Variants in SDCCAG8 observed in about 807,000 individuals in gnomAD.
SDCCAG8 encodes serologically defined colon cancer antigen 8.
Under a neutral mutation model 101.8 loss-of-function variants are expected in SDCCAG8, and 74 were observed. The observed-to-expected ratio is 0.73, with a 90% CI of 0.60 to 0.88. The LOEUF (loss-of-function observed/expected upper bound fraction) is 0.88, where lower values mean the gene tolerates loss of function less well. SDCCAG8 is among the 40% of genes least tolerant of loss of function. The pLI, the probability that SDCCAG8 is intolerant of heterozygous loss-of-function variation, is 0.00. For synonymous variants in SDCCAG8, 281 were observed against 292.9 expected, an observed-to-expected ratio of 0.96 and a Z score of 0.41; for missense variants, 787 against 822.6, an observed-to-expected ratio of 0.96 and a Z score of 0.53.
chr1:243,382,881 G>T (rs778401708), intron 13 of SDCCAG8, among the ~76,000 whole-genome samples: 2 of 152,206 alleles, frequency 1.3e-5, no homozygotes, highest in Non-Finnish European at 2.9e-5. Context: ...AAAGGTGACT[G>T]TAAGTTTTCT....
chr1:243,402,406 TAAA>T (rs201645972), intron 13 of SDCCAG8, among the ~76,000 whole-genome samples: 19 of 123,266 alleles, frequency 1.5e-4, no homozygotes, highest in Non-Finnish European at 1.7e-4. Context: ...CTGTCTCAAT[TAAA>T]AAAAAAAAAA....
chr1:243,375,790 A>G (rs2147896319), intron 12 of SDCCAG8, among the ~76,000 whole-genome samples: 1 of 152,240 alleles, frequency 6.6e-6, no homozygotes, highest in Middle Eastern at 3.4e-3. Flanking sequence ...GGGTGAGGCA[A>G]AGGGTTATCC....
intron 16 of SDCCAG8, among the ~76,000 whole-genome samples, chr1:243,484,115 G>C (rs1369275966): frequency 6.6e-6 from 1 of 152,214 alleles, no homozygotes; most frequent in Non-Finnish European, 1.5e-5. Context: ...ACCCCAGAAC[G>C]TCTCTTCTAC....
Position 243,471,801 on chromosome 1 carries a change from T to G in SDCCAG8, c.1986-17213T>G, listed in dbSNP as rs113343326. Among the ~76,000 whole-genome samples, 1,070 of 152,320 alleles carry G rather than the reference T, an allele frequency of 7.0e-3. 16 individuals are homozygous for G. Among genetic ancestry groups the G allele is most frequent in the African/African-American group, 0.025 (1,036 of 41,560 alleles). ...GGCATTAAAAAAAATTATTCTAATTTCATACTAGTGAAAGCATTGGACTAT... is the reference window on the plus strand; with the variant it reads ...GGCATTAAAAAAAATTATTCTAATTGCATACTAGTGAAAGCATTGGACTAT... On this transcript the variant is annotated intron_variant, in intron 16 of 17. Transcript: ENST00000366541.
chr1:243,357,657 C>T (rs1000556201), intron 12 of SDCCAG8, among the ~76,000 whole-genome samples: 9 of 152,138 alleles, frequency 5.9e-5, no homozygotes, highest in Non-Finnish European at 1.3e-4. Context: ...CAAATACGCA[C>T]AGGGGTGCAA....
At position 243,286,367 on chromosome 1, in the gene SDCCAG8, ACTGAGGGAACAAACACTT is replaced by A; in HGVS notation, c.520_537del (p.Arg174_Leu179del). ...TAAAATCTCAAAGACAAGAGGAGAC[ACTGAGGGAACAAACACTT>A]CTGGATGCATCCGTGAGCATTATTT... On this transcript the variant is annotated inframe_deletion, in exon 5 of 18. Coordinates refer to ENST00000366541, the MANE Select transcript of SDCCAG8 (RefSeq NM_006642.5). 6.2e-7 allele frequency: 1 copy of A among 1,614,078 alleles called. No individual in the cohort carries two copies. The highest frequency in any genetic ancestry group is 8.5e-7 in the Non-Finnish European group (1 of 1,179,902).
rs530216453 is a variant in SDCCAG8 at position 243,451,166 on chromosome 1, A to G, written c.1985+24608A>G. On this transcript the variant is annotated intron_variant, in intron 16 of 17. Transcript: ENST00000366541. ...ATCTTCTTCATACTCTAGCTTGTGT[A>G]TCTCACACATGTAGACTCAAATTTT... Among the ~76,000 whole-genome samples, 4 of 152,332 alleles carry G rather than the reference A, an allele frequency of 2.6e-5. No homozygotes were observed. The South Asian group carries it at 6.2e-4, about 24-fold the overall frequency.
rs774257632 is a variant in SDCCAG8, at chr1:243,418,031, G to C, written c.1808G>C (p.Cys603Ser). The part of the protein sequence containing the change: ...NTFLTKLKEE[C>S]CTLAKKLEQI... ...TTTTTGACAAAGTTAAAGGAAGAAT[G>C]CTGTACATTAGCCAAGAAACTGGAA... The change falls in exon 15 of 18, where the codon TGC becomes TCC. Residue 603 changes from cysteine (C) to serine (S), a missense_variant. Coordinates refer to ENST00000366541, the MANE Select transcript of SDCCAG8 (RefSeq NM_006642.5). 1 of 1,613,002 alleles carries C rather than the reference G, an allele frequency of 6.2e-7. No individual in the cohort carries two copies. The highest frequency in any genetic ancestry group is 8.5e-7 in the Non-Finnish European group (1 of 1,179,388).
intron 13 of SDCCAG8, among the ~76,000 whole-genome samples, chr1:243,396,676 T>C (rs2079054522): frequency 6.6e-6 from 1 of 152,344 alleles, no homozygotes; most frequent in East Asian, 1.9e-4. Flanking sequence ...AAACTTTTAT[T>C]TTGCTTCTTA....
intron 7 of SDCCAG8, chr1:243,305,347 C>T (rs1464232555): frequency 3.3e-5 from 5 of 151,176 alleles, no homozygotes; most frequent in Admixed American, 2.0e-4. Flanking sequence ...ACTAACTGCT[C>T]TTATAGAAAT....
intron 12 of SDCCAG8, among the ~76,000 whole-genome samples, chr1:243,374,664 G>A (rs998977768): frequency 3.9e-5 from 6 of 151,964 alleles, no homozygotes; most frequent in East Asian, 1.9e-4. Flanking sequence ...TGTGTTTTTC[G>A]TGTACCTTTT....
chr1:243,297,641 T>C (rs1368088916), intron 6 of SDCCAG8, among the ~76,000 whole-genome samples: 1 of 152,252 alleles, frequency 6.6e-6, no homozygotes, highest in East Asian at 1.9e-4. Flanking sequence ...CTGGTGAACT[T>C]ATAGTGCTAT....
chr1:243,392,816 A>C (rs2078783627), intron 13 of SDCCAG8, among the ~76,000 whole-genome samples: 1 of 152,220 alleles, frequency 6.6e-6, no homozygotes, highest in African/African-American at 2.4e-5. Flanking sequence ...GCTGTGATTC[A>C]GTCAACATTT....
intron 16 of SDCCAG8, among the ~76,000 whole-genome samples, chr1:243,451,982 C>T (rs1396394758): frequency 1.3e-5 from 2 of 152,184 alleles, no homozygotes; most frequent in Non-Finnish European, 2.9e-5. Flanking sequence ...TTGTGACCCA[C>T]TAAAGGGTCA....
intron 1 of SDCCAG8, among the ~76,000 whole-genome samples, chr1:243,265,155 G>A (rs1204652070): frequency 6.6e-6 from 1 of 152,158 alleles, no homozygotes; most frequent in East Asian, 1.9e-4. Context: ...CATTAACTGT[G>A]TTTATCTGTT....
intron 13 of SDCCAG8, among the ~76,000 whole-genome samples, chr1:243,383,613 C>A (rs547841844): frequency 6.6e-6 from 1 of 152,270 alleles, no homozygotes; most frequent in Non-Finnish European, 1.5e-5. Flanking sequence ...TTCTGCTGAC[C>A]TCTCACAAAG....
chr1:243,322,151 A>G (rs2073808397), intron 9 of SDCCAG8, among the ~76,000 whole-genome samples: 1 of 152,250 alleles, frequency 6.6e-6, no homozygotes, highest in East Asian at 1.9e-4. Flanking sequence ...CCCTATGCAC[A>G]TAGAAGCCAA....
At chr1:243,336,143 T>G (rs953228689) in intron 10 of SDCCAG8, among the ~76,000 whole-genome samples, 2 of 152,176 alleles carry the variant, frequency 1.3e-5, no homozygotes, top group African/African-American at 4.8e-5. Flanking sequence ...TGTTTTCTGT[T>G]GAATATATAT....
intron 16 of SDCCAG8, among the ~76,000 whole-genome samples, chr1:243,475,228 A>G (rs899515479): frequency 3.3e-5 from 5 of 152,156 alleles, no homozygotes; most frequent in African/African-American, 1.2e-4. Flanking sequence ...GCTTCTCCCA[A>G]CACAACCAAG....
Sources: allele counts gnomAD v4.1 joint callset (sites outside exome capture counted in the v4.1 genomes callset), GRCh38; gene constraint gnomAD v4.1.1; transcripts MANE v1.5; gene names NCBI Gene and HGNC (gene_info 2026-07-23, HGNC 2026-07-21).